The following NTM variants were observed in gnomAD, a reference collection of about 807,000 sequenced individuals.
NTM encodes neurotrimin.
A neutral mutation model predicts 42.1 loss-of-function variants in NTM; 13 were observed. The observed-to-expected ratio is 0.31, with a 90% CI of 0.20 to 0.49. NTM has a LOEUF of 0.49. Ranked by LOEUF, NTM falls within the 20% of genes least tolerant of loss-of-function variation. NTM has a pLI of 0.99. For synonymous variants in NTM, 187 were observed against 179.2 expected (o/e 1.04, Z -0.35); for missense variants, 373 against 452.8 (o/e 0.82, Z 1.60).
chr11:131,690,558 G>A (rs1440100587), intron 1 of NTM, among the ~76,000 whole-genome samples: 3 of 152,242 alleles, frequency 2.0e-5, no homozygotes, highest in Non-Finnish European at 2.9e-5. Flanking sequence ...AAGGGAAAGC[G>A]TTCTCTGCCC....
At chr11:131,469,175 C>G (rs989806357) in intron 1 of NTM, among the ~76,000 whole-genome samples, 1 of 152,198 alleles carries the variant, frequency 6.6e-6, no homozygotes, top group Non-Finnish European at 1.5e-5. Context: ...CCCTCCCCAC[C>G]CACTGCCACT....
At chr11:131,852,107 G>T (rs917527639) in intron 1 of NTM, among the ~76,000 whole-genome samples, 1 of 151,936 alleles carries the variant, frequency 6.6e-6, no homozygotes, top group African/African-American at 2.4e-5. Flanking sequence ...GTGTGGGGAA[G>T]GCTCCTGCAG....
At chr11:131,715,027 T>C (rs2135341381) in intron 1 of NTM, among the ~76,000 whole-genome samples, 1 of 152,320 alleles carries the variant, frequency 6.6e-6, no homozygotes, top group African/African-American at 2.4e-5. Flanking sequence ...TGTTTGTGCC[T>C]GAAATTGTGC....
At chr11:131,846,883 A>C (rs917167592) in intron 1 of NTM, among the ~76,000 whole-genome samples, 14 of 152,150 alleles carry the variant, frequency 9.2e-5, no homozygotes, top group African/African-American at 3.1e-4. Context: ...AAAAAGAGTG[A>C]GGTAGAAAAT....
At chr11:131,777,283 C>T (rs1180888844) in intron 1 of NTM, among the ~76,000 whole-genome samples, 1 of 152,130 alleles carries the variant, frequency 6.6e-6, no homozygotes, top group East Asian at 1.9e-4. Context: ...CATTCACACG[C>T]ATGCAGATAC....
In NTM at chr11:132,314,642, G is replaced by C. The variant is rs960597992; in HGVS notation, c.873G>C (p.Gly291=). Residue 291 remains glycine, a synonymous_variant, in exon 7 of 9, where the codon GGG becomes GGC. Transcript: ENST00000683400. ...IFFNVSEHDY[G]NYTCVASNKL... is the part of the protein sequence containing the mutation. ...TCAATGTCTCTGAACATGACTATGG[G>C]AACTACACTTGCGTGGCCTCCAACA... 1.9e-6 allele frequency: 3 copies of C among 1,613,856 alleles called. No homozygotes were observed. The Admixed American group carries it at 5.0e-5, about 27-fold the overall frequency.
In NTM at chr11:131,629,381, C is replaced by T. The variant is rs1264322971; in HGVS notation, c.82+258493C>T. On this transcript the variant is annotated intron_variant, in intron 1 of 8. Coordinates refer to ENST00000683400, the MANE Select transcript of NTM (RefSeq NM_001352005.2). The stretch of plus-strand genomic sequence containing the variant: ...CCAAAGAAGCTGTCCTGTACCCACC[C>T]ACCACTGTTCCCAGCTTGCATGGCT... Among the ~76,000 whole-genome samples the T allele has an allele frequency of 1.6e-4, 24 of 152,200 alleles. 1 individual carries two copies. The highest frequency in any genetic ancestry group is 1.6e-3 in the Admixed American group (24 of 15,286).
At chr11:131,671,722 T>C (rs2070283982) in intron 1 of NTM, 2 of 536,818 alleles carry the variant, frequency 3.7e-6, no homozygotes, top group African/African-American at 4.1e-5. Flanking sequence ...AAAGCGCCCA[T>C]CGACAGTGGT....
chr11:132,034,008 TGAA>T (rs750528777), intron 2 of NTM, among the ~76,000 whole-genome samples: 2 of 152,232 alleles, frequency 1.3e-5, no homozygotes, highest in Non-Finnish European at 2.9e-5. Flanking sequence ...TTATTTTTCA[TGAA>T]GGAGACAGTG....
At chr11:132,057,761 G>GT (rs1223850824) in intron 2 of NTM, among the ~76,000 whole-genome samples, 1 of 152,290 alleles carries the variant, frequency 6.6e-6, no homozygotes, top group Non-Finnish European at 1.5e-5. Flanking sequence ...GACTCCGCGT[G>GT]TTTTTTTCTC....
At chr11:131,488,154 T>C (rs1347795051) in intron 1 of NTM, among the ~76,000 whole-genome samples, 2 of 152,198 alleles carry the variant, frequency 1.3e-5, no homozygotes, top group Non-Finnish European at 2.9e-5. Flanking sequence ...TCCCATTATG[T>C]ATTGCTTCAA....
chr11:132,212,370 T>A (rs1473722843), intron 4 of NTM, among the ~76,000 whole-genome samples: 1 of 152,232 alleles, frequency 6.6e-6, no homozygotes, highest in East Asian at 1.9e-4. Context: ...TCCAGTCCCT[T>A]GGAAATTAAT....
At chr11:132,199,112 G>A (rs1018126758) in intron 3 of NTM, among the ~76,000 whole-genome samples, 11 of 152,198 alleles carry the variant, frequency 7.2e-5, no homozygotes, top group Admixed American at 6.5e-4. Flanking sequence ...ATGGGAGAGG[G>A]CCTTGAATGA....
At chr11:132,280,871 C>A (rs1214985160) in intron 4 of NTM, among the ~76,000 whole-genome samples, 2 of 152,146 alleles carry the variant, frequency 1.3e-5, no homozygotes, top group Non-Finnish European at 2.9e-5. Flanking sequence ...TCAAAGCCAC[C>A]TATAGCTAGC....
intron 7 of NTM, among the ~76,000 whole-genome samples, chr11:132,325,562 G>T (rs2095661514): frequency 6.6e-6 from 1 of 151,928 alleles, no homozygotes; most frequent in Non-Finnish European, 1.5e-5. Flanking sequence ...CTTTTACACT[G>T]TTGGTGGGAC....
chr11:132,132,969 C>CA (rs1419739124), intron 2 of NTM, among the ~76,000 whole-genome samples: 1 of 152,188 alleles, frequency 6.6e-6, no homozygotes, highest in Non-Finnish European at 1.5e-5. Context: ...ATGTTCATTG[C>CA]AAAATCTTAC....
intron 1 of NTM, among the ~76,000 whole-genome samples, chr11:131,759,878 C>T (rs1026379535): frequency 1.3e-5 from 2 of 151,808 alleles, no homozygotes; most frequent in African/African-American, 4.8e-5. Flanking sequence ...ATTTTTAGTG[C>T]TTTTTAAGGT....
intron 1 of NTM, among the ~76,000 whole-genome samples, chr11:131,768,127 T>A (rs867603254): frequency 0.011 from 1,606 of 150,870 alleles, 26 homozygotes; most frequent in African/African-American, 0.037. Context: ...ACTTATTTTT[T>A]TTTTTTTTTT....
intron 1 of NTM, among the ~76,000 whole-genome samples, chr11:131,685,722 A>G (rs1197820213): frequency 6.6e-6 from 1 of 152,226 alleles, no homozygotes; most frequent in Non-Finnish European, 1.5e-5. Flanking sequence ...TCAATGTGAC[A>G]TAGTAGCATT....
Sources: gnomAD v4.1 joint callset for allele counts (sites outside exome capture counted in the v4.1 genomes callset) on GRCh38, gnomAD v4.1.1 for gene constraint, MANE v1.5 for transcripts, NCBI Gene and HGNC (gene_info 2026-07-23, HGNC 2026-07-21) for gene names.